The following ARID5B variants were observed in gnomAD, a reference collection of about 807,000 sequenced individuals.
ARID5B encodes AT-rich interaction domain 5B, also known as AT-rich interactive domain-containing protein 5B.
Under a neutral mutation model 97.2 loss-of-function variants are expected in ARID5B, and 13 were observed. The ratio of observed to expected loss-of-function variants is 0.13; its 90% CI spans 0.09 to 0.21. The LOEUF (loss-of-function observed/expected upper bound fraction) is 0.21. Among genes scored for constraint, ARID5B ranks in the 10% least tolerant of loss-of-function variants. The probability of loss-of-function intolerance (pLI) is 1.00; values close to 1 mark genes in which losing one functional copy is unlikely to be tolerated. For missense variants in ARID5B, 1,210 were observed against 1,465.3 expected (o/e 0.83, Z 2.84); for synonymous variants, 556 against 570.3 (o/e 0.97, Z 0.36).
chr10:61,956,048 G>A (rs1838387276), intron 3 of ARID5B, among the ~76,000 whole-genome samples: 1 of 152,122 alleles, frequency 6.6e-6, no homozygotes, highest in South Asian at 2.1e-4. Flanking sequence ...CCATCTCTTT[G>A]TTAGACATTC....
At chr10:62,053,486 T>A (rs1353186422) in intron 5 of ARID5B, among the ~76,000 whole-genome samples, 1 of 152,178 alleles carries the variant, frequency 6.6e-6, no homozygotes, top group East Asian at 1.9e-4. Context: ...AGACAGCAAG[T>A]GTCACGTGGG....
chr10:61,932,413 C>CT (rs200321468), intron 2 of ARID5B, among the ~76,000 whole-genome samples: 2,936 of 135,452 alleles, frequency 0.022, 74 homozygotes, highest in South Asian at 0.075. Flanking sequence ...TTTTCTTTTT[C>CT]TTTTTTTTTT....
intron 3 of ARID5B, among the ~76,000 whole-genome samples, chr10:61,991,643 T>C (rs1158568278): frequency 6.6e-6 from 1 of 152,218 alleles, no homozygotes; most frequent in African/African-American, 2.4e-5. Context: ...TTATTGATAG[T>C]GTCCATTGAT....
intron 4 of ARID5B, among the ~76,000 whole-genome samples, chr10:62,013,895 G>A (rs1839251331): frequency 6.6e-6 from 1 of 151,226 alleles, no homozygotes; most frequent in Non-Finnish European, 1.5e-5. Context: ...TGATAAAAAT[G>A]TAATACTTTG....
At chr10:61,997,867 G>C (rs1839022719) in intron 3 of ARID5B, among the ~76,000 whole-genome samples, 1 of 152,170 alleles carries the variant, frequency 6.6e-6, no homozygotes, top group African/African-American at 2.4e-5. Context: ...TGCTTTAGCT[G>C]TATAAAAAGC....
At chr10:62,027,750 C>A (rs1000649223) in intron 4 of ARID5B, among the ~76,000 whole-genome samples, 9 of 152,026 alleles carry the variant, frequency 5.9e-5, no homozygotes, top group African/African-American at 2.2e-4. Flanking sequence ...GAAAAGAAAC[C>A]CCCTTATCAT....
intron 2 of ARID5B, among the ~76,000 whole-genome samples, chr10:61,921,542 G>C (rs555730930): frequency 1.3e-5 from 2 of 152,320 alleles, no homozygotes; most frequent in Admixed American, 1.3e-4. Flanking sequence ...CCCTCAGAGT[G>C]TAAGGTGTAG....
rs1003001011 is a variant in ARID5B, at chr10:62,000,469, G to T, written c.733+148G>T. ...CCCCTCCCATCCCCCAAATTATTGC[G>T]GCATAAGGCGTCATTGCCTCCTTCG... On this transcript the variant is annotated intron_variant, in intron 4 of 9. Coordinates refer to ENST00000279873, the MANE Select transcript of ARID5B (RefSeq NM_032199.3). This position sits in a 1 kb window ranked among gnomAD's most constrained non-coding sequence, Gnocchi z 4.4. The T allele has an allele frequency of 3.0e-6, 2 of 673,716 alleles. No homozygotes were observed. Among genetic ancestry groups the T allele is most frequent in the Non-Finnish European group, 4.9e-6 (2 of 405,052 alleles). 41.7% of individuals were successfully genotyped at this position (673,716 alleles called of 1,614,324 possible).
intron 4 of ARID5B, among the ~76,000 whole-genome samples, chr10:62,026,006 G>A (rs1839416208): frequency 6.6e-6 from 1 of 152,210 alleles, no homozygotes; most frequent in Admixed American, 6.5e-5. Context: ...TAAAGAAATA[G>A]CTGAGTAACT....
intron 4 of ARID5B, among the ~76,000 whole-genome samples, chr10:62,001,718 T>C (rs977897017): frequency 6.6e-6 from 1 of 152,224 alleles, no homozygotes; most frequent in Non-Finnish European, 1.5e-5. Context: ...CATTAGATTC[T>C]AAGAGCCATG....
At chr10:62,077,064 T>C (rs1840147527) in intron 8 of ARID5B, among the ~76,000 whole-genome samples, 1 of 151,560 alleles carries the variant, frequency 6.6e-6, no homozygotes, top group Admixed American at 6.6e-5. Context: ...GTACAGCTTC[T>C]CTTCCATCTA....
chr10:62,002,502 T>C (rs999824977), intron 4 of ARID5B, among the ~76,000 whole-genome samples: 1 of 152,242 alleles, frequency 6.6e-6, no homozygotes, highest in African/African-American at 2.4e-5. Context: ...TTACAGACTT[T>C]CATGTTAGTA....
intron 3 of ARID5B, among the ~76,000 whole-genome samples, chr10:61,987,144 C>T (rs565500008): frequency 2.0e-5 from 3 of 152,246 alleles, no homozygotes; most frequent in African/African-American, 7.2e-5. Context: ...CACTCTTTCC[C>T]ACATGCGATC....
chr10:62,049,313 C>T (rs1839753484), intron 4 of ARID5B: 4 of 1,489,150 alleles, frequency 2.7e-6, no homozygotes, highest in East Asian at 2.5e-5. Context: ...AATGGAGCTG[C>T]CGGGGGAGGG....
chr10:62,028,956 CAA>C lies in ARID5B; in HGVS notation c.734-21915_734-21914del, dbSNP rs60831618. Reference sequence around the variant, plus strand: ...TGGGCAACAGAGCAAGACTCTGTCTCAAAAAAAAAAAAAAAAAAGCTCATAGA... The same window carrying C: ...TGGGCAACAGAGCAAGACTCTGTCTCAAAAAAAAAAAAAAAAGCTCATAGA... On this transcript the variant is annotated intron_variant, in intron 4 of 9. Coordinates refer to ENST00000279873, the MANE Select transcript of ARID5B (RefSeq NM_032199.3). Among the ~76,000 whole-genome samples, 606 of 95,330 alleles carry C rather than the reference CAA, an allele frequency of 6.4e-3. 2 individuals are homozygous for C. The highest frequency in any genetic ancestry group is 0.018 in the African/African-American group (431 of 24,186). The allele number at this position is 95,330 out of a possible 152,430, so 62.5% of individuals were successfully genotyped here.
intron 3 of ARID5B, among the ~76,000 whole-genome samples, chr10:61,977,140 A>T (rs1034193492): frequency 1.3e-5 from 2 of 152,206 alleles, no homozygotes; most frequent in African/African-American, 4.8e-5. Context: ...TAGTTTGCTG[A>T]GAATGGTGGT....
chr10:62,009,751 C>T (rs1839193251), intron 4 of ARID5B, among the ~76,000 whole-genome samples: 2 of 152,226 alleles, frequency 1.3e-5, no homozygotes, highest in Admixed American at 6.5e-5. Flanking sequence ...ACAGACACTA[C>T]GAGGCAGTTG....
intron 4 of ARID5B, among the ~76,000 whole-genome samples, chr10:62,005,976 A>G (rs969616449): frequency 1.3e-5 from 2 of 152,156 alleles, no homozygotes; most frequent in Admixed American, 6.6e-5. Flanking sequence ...GTGCCCACTG[A>G]TCTCCCAAAT....
chr10:62,058,531 A>G (rs981802997), intron 6 of ARID5B, among the ~76,000 whole-genome samples: 1 of 152,222 alleles, frequency 6.6e-6, no homozygotes, highest in Non-Finnish European at 1.5e-5. Context: ...GTTGTTTAAC[A>G]GCATAAACAT....
Sources: allele counts gnomAD v4.1 joint callset (sites outside exome capture counted in the v4.1 genomes callset), GRCh38; gene constraint gnomAD v4.1.1; non-coding constraint Gnocchi (gnomAD v3.1); transcripts MANE v1.5; gene names NCBI Gene and HGNC (gene_info 2026-07-23, HGNC 2026-07-21).